Variants in RMND5B observed in about 807,000 individuals in gnomAD.
The protein encoded by RMND5B is E3 ubiquitin-protein transferase RMND5B.
Under a neutral mutation model 50.4 loss-of-function variants are expected in RMND5B, and 42 were observed. The ratio of observed to expected loss-of-function variants is 0.83; its 90% CI spans 0.65 to 1.08. RMND5B has a LOEUF of 1.08. RMND5B is among the 50% of genes least tolerant of loss of function. The pLI is 0.00. For missense variants in RMND5B, 463 were observed against 508.5 expected (o/e 0.91, Z 0.86); for synonymous variants, 220 against 210.0 (o/e 1.05, Z -0.41).
intron 3 of RMND5B, 120 bp from the exon 4 acceptor site, chr5:178,142,463 C>T: frequency 8.7e-7 from 1 of 1,146,724 alleles, no homozygotes; most frequent in Non-Finnish European, 1.3e-6. Context: ...TTCTTTCACC[C>T]TGGCATTCAG....
Position 178,145,929 on chromosome 5 carries a change from C to T in RMND5B, c.695-185C>T, listed in dbSNP as rs1256071270. The T allele has an allele frequency of 2.3e-5, 13 of 577,398 alleles. No homozygotes were observed. The East Asian group carries it at 3.1e-4, about 14-fold the overall frequency. The allele number at this position is 577,398 out of a possible 1,614,324, so 35.8% of individuals were successfully genotyped here. On this transcript the variant is annotated intron_variant, in intron 7 of 10. Transcript: ENST00000313386. ...ATCCTGCAGAAGCAGCCTGGACCTC[C>T]ACCTCCCCAGTGGATTTTACAGTCA...
In RMND5B at chr5:178,147,747, A is replaced by G; in HGVS notation, c.982A>G (p.Met328Val). 2 of 1,614,172 alleles carry G rather than the reference A, an allele frequency of 1.2e-6. No homozygotes were observed. Among genetic ancestry groups the G allele is most frequent in the Middle Eastern group, 1.6e-4 (1 of 6,062 alleles). Residue 328 changes from methionine (M) to valine (V), a missense_variant, in exon 10 of 11, where the codon ATG (methionine) becomes GTG (valine). By Grantham distance (21) the Met-to-Val change is conservative. Coordinates refer to ENST00000313386, the MANE Select transcript of RMND5B (RefSeq NM_022762.5). ...TTCCCAGATTGAGATTGAACTAGGC[A>G]TGAAGTGCTGGTACCACTCCGTGTT... ...DELPIEIELG[M>V]KCWYHSVFAC...
At position 178,147,648 on chromosome 5, in the gene RMND5B, C is replaced by G. The variant is rs1388811702; in HGVS notation, c.963+13C>G. ...GGACGAGTTACCGGTGAGGCCTGGT[C>G]TGGGGAATCGTGGGCAAGAGGTACT... On this transcript the variant is annotated intron_variant, in intron 9 of 10. Transcript: ENST00000313386. 4 of 1,614,060 alleles carry G rather than the reference C, an allele frequency of 2.5e-6. No individual in the cohort carries two copies. Among genetic ancestry groups the G allele is most frequent in the Admixed American group, 3.3e-5 (2 of 60,024 alleles).
At position 178,149,925 on chromosome 5, in the gene RMND5B, T is replaced by C; in HGVS notation, c.*1893T>C. 1 of 1,446,344 alleles carries C rather than the reference T, an allele frequency of 6.9e-7. No individual in the cohort carries two copies. The highest frequency in any genetic ancestry group is 9.6e-7 in the Non-Finnish European group (1 of 1,043,380). 89.6% of individuals were successfully genotyped at this position (1,446,344 alleles called of 1,614,324 possible). A position where few individuals can be genotyped will look rare whatever the true frequency, so the allele number is the denominator to read the frequency against. ...ACCAACTGATGACCCACCAGCCTAA[T>C]CTGGCCCACAACCATGTTCTGTTCG... On this transcript the variant is annotated 3_prime_UTR_variant, in exon 11 of 11. Coordinates refer to ENST00000313386, the MANE Select transcript of RMND5B (RefSeq NM_022762.5).
intron 2 of RMND5B, among the ~76,000 whole-genome samples, chr5:178,131,922 G>A (rs1758331927): frequency 6.6e-6 from 1 of 152,178 alleles, no homozygotes; most frequent in Admixed American, 6.5e-5. Flanking sequence ...TCAGAGAGAG[G>A]AATGTGGAGT....
chr5:178,147,487 G>A (rs778116668), intron 8 of RMND5B, 46 bp from the exon 9 acceptor site: 1 of 1,540,172 alleles, frequency 6.5e-7, no homozygotes, highest in South Asian at 1.1e-5. Context: ...CTTTTTGCCT[G>A]TCTGCTGTGA....
intron 7 of RMND5B, among the ~76,000 whole-genome samples, chr5:178,144,799 G>A (rs1029845668): frequency 5.3e-5 from 8 of 151,728 alleles, no homozygotes; most frequent in South Asian, 2.1e-4. Context: ...AGCAAAGGGC[G>A]GATCACTTGA....
chr5:178,149,936 A>G lies in RMND5B; in HGVS notation c.*1904A>G, dbSNP rs1581135501. 2.2e-6 allele frequency: 3 copies of G among 1,334,650 alleles called. No homozygotes were observed. Among genetic ancestry groups the G allele is most frequent in the East Asian group, 2.3e-5 (1 of 42,992 alleles). 82.7% of individuals were successfully genotyped at this position (1,334,650 alleles called of 1,614,324 possible). On this transcript the variant is annotated 3_prime_UTR_variant, in exon 11 of 11. Transcript: ENST00000313386. ...ACCCACCAGCCTAATCTGGCCCACA[A>G]CCATGTTCTGTTCGGTCCATGTTCT...
Position 178,150,324 on chromosome 5 carries a change from G to A in RMND5B, c.*2292G>A, listed in dbSNP as rs1300019878. ...AAACGGTAAGTTCCTTCAGAACAGG[G>A]CCTCCTGCTTTATCCCAAGAAGTGA... On this transcript the variant is annotated 3_prime_UTR_variant, in exon 11 of 11. Transcript: ENST00000313386. The A allele has an allele frequency of 4.3e-6, 1 of 231,374 alleles. No homozygotes were observed. The allele number at this position is 231,374 out of a possible 1,614,324, so 14.3% of individuals were successfully genotyped here.
rs936810372 is a variant in RMND5B, at chr5:178,149,455, T to G, written c.*1423T>G. 11 of 448,734 alleles carry G rather than the reference T, an allele frequency of 2.5e-5. No homozygotes were observed. Among genetic ancestry groups the G allele is most frequent in the Non-Finnish European group, 4.2e-5 (10 of 239,898 alleles). The allele number at this position is 448,734 out of a possible 1,614,324, so 27.8% of individuals were successfully genotyped here. A position where few individuals can be genotyped will look rare whatever the true frequency, so the allele number is the denominator to read the frequency against. Reference sequence around the variant, plus strand: ...GCTGCTTAAGAAAACACCCACAGACTCACCACATTTTAGTCTTAGCATTTA... The same window carrying G: ...GCTGCTTAAGAAAACACCCACAGACGCACCACATTTTAGTCTTAGCATTTA... On this transcript the variant is annotated 3_prime_UTR_variant, in exon 11 of 11. Transcript: ENST00000313386.
In RMND5B at chr5:178,138,518, A is replaced by AC; in HGVS notation, c.139+260_139+261insC. ...ATTTTTAACTTTTTTTCATTTTATAATTGTGTGTGTGTGTGTGTGTGTGTG... is the reference window on the plus strand; with the variant it reads ...ATTTTTAACTTTTTTTCATTTTATAACTTGTGTGTGTGTGTGTGTGTGTGTG... On this transcript the variant is annotated intron_variant, in intron 3 of 10. Coordinates refer to ENST00000313386, the MANE Select transcript of RMND5B (RefSeq NM_022762.5). This position sits in a 1 kb window ranked among gnomAD's most constrained non-coding sequence, Gnocchi z 5.1. 2.7e-6 allele frequency: 1 copy of AC among 363,802 alleles called. No homozygotes were observed. Among genetic ancestry groups the AC allele is most frequent in the Non-Finnish European group, 4.0e-6 (1 of 248,782 alleles). 22.5% of individuals were successfully genotyped at this position (363,802 alleles called of 1,614,324 possible).
In RMND5B at chr5:178,147,795, C is replaced by T; in HGVS notation, c.1030C>T (p.Gln344Ter). The change falls in exon 10 of 11, where the codon CAG becomes TAG. Residue 344 changes from glutamine to a stop codon, truncating the protein, a stop_gained. Coordinates refer to ENST00000313386, the MANE Select transcript of RMND5B (RefSeq NM_022762.5). LOFTEE classifies it high-confidence loss of function. ...SVFACPILRQQTSDSNPPIKL... is the reference protein window; with the variant it reads ...SVFACPILRQ ...GTTCGCTTGCCCCATCCTCCGCCAG[C>T]AGACGTCAGATTCCAACCCTCCCAT... The T allele has an allele frequency of 6.2e-7, 1 of 1,614,202 alleles. No individual in the cohort carries two copies. The highest frequency in any genetic ancestry group is 8.5e-7 in the Non-Finnish European group (1 of 1,180,038).
chr5:178,149,885 G>C lies in RMND5B; in HGVS notation c.*1853G>C. 1 of 1,605,468 alleles carries C rather than the reference G, an allele frequency of 6.2e-7. No homozygotes were observed. The highest frequency in any genetic ancestry group is 8.5e-7 in the Non-Finnish European group (1 of 1,174,622). On this transcript the variant is annotated 3_prime_UTR_variant, in exon 11 of 11. Transcript: ENST00000313386. The stretch of plus-strand genomic sequence containing the variant: ...TGTTTGGAAAAAAGCTGTACAACCT[G>C]TATGCCAGGAAGTCACCAACTGATG...
In RMND5B at chr5:178,146,121, G is replaced by A; in HGVS notation, c.702G>A (p.Gln234=). The part of the protein sequence containing the change: ...PFARLHQREI[Q]VMMGSLVYLR... The stretch of plus-strand genomic sequence containing the variant: ...CCTCTGGTTGCCTTGTAGAGATCCA[G>A]GTGATGATGGGCAGCCTGGTGTACC... Residue 234 remains glutamine, a synonymous_variant, in exon 8 of 11, where the codon CAG becomes CAA. Coordinates refer to ENST00000313386, the MANE Select transcript of RMND5B (RefSeq NM_022762.5). The A allele has an allele frequency of 6.2e-7, 1 of 1,614,084 alleles. No homozygotes were observed. The highest frequency in any genetic ancestry group is 2.2e-5 in the East Asian group (1 of 44,880).
chr5:178,149,477 T>C lies in RMND5B; in HGVS notation c.*1445T>C. On this transcript the variant is annotated 3_prime_UTR_variant, in exon 11 of 11. Transcript: ENST00000313386. Reference sequence around the variant, plus strand: ...GACTCACCACATTTTAGTCTTAGCATTTACTTTCCCCACCCCACATTCTTG... The same window carrying C: ...GACTCACCACATTTTAGTCTTAGCACTTACTTTCCCCACCCCACATTCTTG... The C allele has an allele frequency of 2.0e-6, 1 of 511,124 alleles. No individual in the cohort carries two copies. The highest frequency in any genetic ancestry group is 3.6e-6 in the Non-Finnish European group (1 of 278,348). 31.7% of individuals were successfully genotyped at this position (511,124 alleles called of 1,614,324 possible).
intron 3 of RMND5B, 43 bp from the exon 4 acceptor site, chr5:178,142,540 C>T: frequency 1.3e-6 from 2 of 1,572,968 alleles, no homozygotes; most frequent in South Asian, 1.2e-5. Context: ...AGGCAGGTGC[C>T]CCAGTCTGCC....
chr5:178,143,656 C>T lies in RMND5B; in HGVS notation c.456C>T (p.Phe152=), dbSNP rs944117928. The part of the protein sequence containing the change: ...QESTLNVDLD[F]KQPFLELNRI... The stretch of plus-strand genomic sequence containing the variant: ...CAACGCTGAATGTGGACTTGGATTT[C>T]AAGCAGCCTTTCCTAGAGTTGAATC... The change falls in exon 6 of 11, where the codon TTC becomes TTT. Residue 152 remains phenylalanine (F), a synonymous_variant. Coordinates refer to ENST00000313386, the MANE Select transcript of RMND5B (RefSeq NM_022762.5). The T allele has an allele frequency of 2.2e-5, 35 of 1,613,970 alleles. No homozygotes were observed. In the Middle Eastern group the frequency reaches 4.9e-4, roughly 23 times the overall value.
chr5:178,142,660 C>G lies in RMND5B; in HGVS notation c.217C>G (p.Gln73Glu). 6.2e-7 allele frequency: 1 copy of G among 1,614,224 alleles called. No homozygotes were observed. Among genetic ancestry groups the G allele is most frequent in the African/African-American group, 1.3e-5 (1 of 75,060 alleles). Residue 73 changes from glutamine (Q) to glutamate (E), a missense_variant, in exon 4 of 11, where the codon CAG (glutamine) becomes GAG (glutamate). Coordinates refer to ENST00000313386, the MANE Select transcript of RMND5B (RefSeq NM_022762.5). ...CTGCCGGAAGATCAAAGATACGGTG[C>G]AGAAACTGGCTTCGGACCATAAGGA... ...QCCRKIKDTV[Q>E]KLASDHKDIH...
intron 10 of RMND5B, 42 bp from the exon 11 acceptor site, chr5:178,147,927 C>G (rs748545239): frequency 6.2e-7 from 1 of 1,614,132 alleles, no homozygotes; most frequent in South Asian, 1.1e-5. Flanking sequence ...GGCTCTCCTA[C>G]TGGCCACCCC....
Sources: gnomAD v4.1 joint callset for allele counts (sites outside exome capture counted in the v4.1 genomes callset) on GRCh38, gnomAD v4.1.1 for gene constraint, Gnocchi (gnomAD v3.1) non-coding constraint, MANE v1.5 for transcripts, NCBI Gene and HGNC (gene_info 2026-07-23, HGNC 2026-07-21) for gene names.